Variants in VIPR2 observed in about 807,000 individuals in gnomAD.
The protein encoded by VIPR2 is vasoactive intestinal peptide receptor 2.
A neutral mutation model predicts 58.0 loss-of-function variants in VIPR2; 48 were observed. That is an observed-to-expected ratio of 0.83 (90% confidence interval 0.66 to 1.05). VIPR2 has a LOEUF of 1.05. Ranked by LOEUF, VIPR2 falls within the 50% of genes least tolerant of loss-of-function variation. The pLI is 0.00. For synonymous variants in VIPR2, 243 were observed against 235.2 expected, an observed-to-expected ratio of 1.03 and a Z score of -0.30; for missense variants, 534 against 558.0, an observed-to-expected ratio of 0.96 and a Z score of 0.43.
chr7:159,101,858 G>A (rs1420137536), intron 4 of VIPR2, among the ~76,000 whole-genome samples: 19 of 139,554 alleles, frequency 1.4e-4, no homozygotes, highest in African/African-American at 4.5e-4. Context: ...GAGATCCGAC[G>A]AGGCGGTTCC....
chr7:159,056,092 A>G (rs1046975560), intron 5 of VIPR2, among the ~76,000 whole-genome samples: 1 of 152,106 alleles, frequency 6.6e-6, no homozygotes, highest in African/African-American at 2.4e-5. Flanking sequence ...CTGGGGCTGC[A>G]CTCTCCACCT....
At chr7:159,129,257 C>T (rs1218598129) in intron 2 of VIPR2, among the ~76,000 whole-genome samples, 3 of 137,856 alleles carry the variant, frequency 2.2e-5, no homozygotes, top group African/African-American at 8.0e-5. Flanking sequence ...TTCCCTCAAA[C>T]TGGCCTCTGG....
intron 2 of VIPR2, 113 bp downstream of exon 2, chr7:159,142,333 T>C: frequency 1.3e-6 from 1 of 773,380 alleles, no homozygotes; most frequent in Non-Finnish European, 2.1e-6. Context: ...TGGCCTTTCT[T>C]TTTCTTTTTT....
intron 4 of VIPR2, among the ~76,000 whole-genome samples, chr7:159,081,354 A>G (rs1307981405): frequency 1.3e-5 from 2 of 152,238 alleles, no homozygotes; most frequent in East Asian, 3.8e-4. Context: ...CCTGACAAAA[A>G]CAAGCAATTG....
intron 4 of VIPR2, among the ~76,000 whole-genome samples, chr7:159,063,198 T>C (rs543677673): frequency 1.3e-5 from 2 of 152,112 alleles, no homozygotes; most frequent in East Asian, 3.9e-4. Flanking sequence ...GCGGCACTTG[T>C]AAGGGAGGCT....
intron 4 of VIPR2, among the ~76,000 whole-genome samples, chr7:159,077,147 A>AT (rs1343251357): frequency 1.3e-5 from 2 of 152,262 alleles, no homozygotes; most frequent in Non-Finnish European, 2.9e-5. Flanking sequence ...GATTAGACTG[A>AT]TTTTGCAAAC....
intron 4 of VIPR2, among the ~76,000 whole-genome samples, chr7:159,101,652 TCCC>T (rs60503582): frequency 2.8e-5 from 4 of 141,808 alleles, no homozygotes; most frequent in South Asian, 2.3e-4. Context: ...ACGAGGCCGT[TCCC>T]CCGACTGTTC....
At chr7:159,142,909 G>A (rs1248490392) in intron 1 of VIPR2, among the ~76,000 whole-genome samples, 1 of 152,214 alleles carries the variant, frequency 6.6e-6, no homozygotes, top group Non-Finnish European at 1.5e-5. Flanking sequence ...GGATGCCTGT[G>A]GACTGTGCCG....
rs143229993 is a variant in VIPR2, at chr7:159,143,383, C to A, written c.52-838G>T. Among the ~76,000 whole-genome samples the A allele has an allele frequency of 5.2e-3, 794 of 152,166 alleles. 4 individuals are homozygous for A. The highest frequency in any genetic ancestry group is 0.018 in the African/African-American group (750 of 41,502). ...CTTGATCTTCCCCCTCCCCCACCACCGACCAAAATTCTACTTGTACTAAAG... is the reference window on the plus strand; with the variant it reads ...CTTGATCTTCCCCCTCCCCCACCACAGACCAAAATTCTACTTGTACTAAAG... On this transcript the variant is annotated intron_variant, in intron 1 of 12. Coordinates refer to ENST00000262178, the MANE Select transcript of VIPR2 (RefSeq NM_003382.5).
chr7:159,077,254 G>C (rs559593459), intron 4 of VIPR2, among the ~76,000 whole-genome samples: 2 of 152,218 alleles, frequency 1.3e-5, no homozygotes, highest in East Asian at 3.9e-4. Context: ...CCTGTTATCA[G>C]ATTCTAGCCC....
At chr7:159,109,656 G>A (rs375822009) in intron 3 of VIPR2, among the ~76,000 whole-genome samples, 156 bp downstream of exon 3, 63 of 152,272 alleles carry the variant, frequency 4.1e-4, no homozygotes, top group African/African-American at 1.3e-3. Context: ...TCCCTAAGAC[G>A]GGCACTCACC....
intron 2 of VIPR2, among the ~76,000 whole-genome samples, chr7:159,122,128 T>C (rs1260276366): frequency 6.6e-6 from 1 of 152,200 alleles, no homozygotes; most frequent in African/African-American, 2.4e-5. Flanking sequence ...GGTCACTTCC[T>C]AACCAGGTGA....
At chr7:159,144,675 A>G in intron 1 of VIPR2, 46 bp downstream of exon 1, 1 of 1,350,290 alleles carries the variant, frequency 7.4e-7, no homozygotes, top group Non-Finnish European at 9.5e-7. Flanking sequence ...GGAAGGGGAG[A>G]ACCGGGTCCG....
chr7:159,064,768 C>A (rs1308426523), intron 4 of VIPR2, among the ~76,000 whole-genome samples: 1 of 152,220 alleles, frequency 6.6e-6, no homozygotes. Flanking sequence ...CACCACATGA[C>A]CCGGGGCCGC....
In VIPR2 at chr7:159,115,192, C is replaced by T. The variant is rs192691851; in HGVS notation, c.152-5273G>A. Among the ~76,000 whole-genome samples, 13 of 152,346 alleles carry T rather than the reference C, an allele frequency of 8.5e-5. No individual in the cohort carries two copies. The East Asian group carries it at 2.3e-3, about 27-fold the overall frequency. On this transcript the variant is annotated intron_variant, in intron 2 of 12. Coordinates refer to ENST00000262178, the MANE Select transcript of VIPR2 (RefSeq NM_003382.5). ...TGGAACTTGGCTGGTAGCCATCACACCAGCATTTCCACTACCATGGGAAAT... is the reference window on the plus strand; with the variant it reads ...TGGAACTTGGCTGGTAGCCATCACATCAGCATTTCCACTACCATGGGAAAT...
At chr7:159,113,613 T>C (rs1467578463) in intron 2 of VIPR2, among the ~76,000 whole-genome samples, 1 of 151,962 alleles carries the variant, frequency 6.6e-6, no homozygotes, top group African/African-American at 2.4e-5. Context: ...TGATGCCTAA[T>C]TATTGAGAGG....
chr7:159,068,145 T>C (rs1223230792), intron 4 of VIPR2, among the ~76,000 whole-genome samples: 1 of 152,222 alleles, frequency 6.6e-6, no homozygotes, highest in Non-Finnish European at 1.5e-5. Flanking sequence ...TGGCCTTAGA[T>C]ACGAGTATTA....
chr7:159,040,993 C>T (rs987774332), intron 6 of VIPR2, among the ~76,000 whole-genome samples: 1 of 152,242 alleles, frequency 6.6e-6, no homozygotes, highest in Non-Finnish European at 1.5e-5. Flanking sequence ...CTCCCTCTGT[C>T]CTCACAGAGC....
rs532381564 is a variant in VIPR2, at chr7:159,030,611, T to C, written c.*5A>G. ...TCCCGCCGCGTCCGACAGGCAGGGG[T>C]GGGGCTAGATGACCGAGGTCTCCGT... On this transcript the variant is annotated 3_prime_UTR_variant, in exon 13 of 13. Transcript: ENST00000262178. 31 of 1,529,948 alleles carry C rather than the reference T, an allele frequency of 2.0e-5. No homozygotes were observed. The African/African-American group carries it at 4.1e-4, about 20-fold the overall frequency. The allele number at this position is 1,529,948 out of a possible 1,614,324, so 94.8% of individuals were successfully genotyped here.
Sources: allele counts gnomAD v4.1 joint callset (sites outside exome capture counted in the v4.1 genomes callset), GRCh38; gene constraint gnomAD v4.1.1; transcripts MANE v1.5; gene names NCBI Gene and HGNC (gene_info 2026-07-23, HGNC 2026-07-21).